Variants in CEP135 observed in about 807,000 individuals in gnomAD.
CEP135 encodes the protein centrosomal protein of 135 kDa.
CEP135 carries 142 observed loss-of-function variants against 157.3 expected under a neutral mutation model. The observed-to-expected ratio is 0.90, with a 90% CI of 0.79 to 1.04. CEP135 has a LOEUF of 1.04. Ranked by LOEUF, CEP135 falls within the 50% of genes least tolerant of loss-of-function variation. CEP135 has a pLI of 0.00. For synonymous variants in CEP135, 396 were observed against 439.8 expected (o/e 0.90, Z 1.25); for missense variants, 1,317 against 1,309.2 (o/e 1.01, Z -0.09).
chr4:56,015,647 C>T (rs1730746469), intron 21 of CEP135, among the ~76,000 whole-genome samples: 1 of 152,166 alleles, frequency 6.6e-6, no homozygotes, highest in Non-Finnish European at 1.5e-5. Flanking sequence ...TTATTTTCTC[C>T]CTTTTACAGT....
intron 15 of CEP135, 41 bp downstream of exon 15, chr4:55,992,126 G>A (rs1729820217): frequency 3.2e-6 from 5 of 1,560,988 alleles, no homozygotes; most frequent in Non-Finnish European, 4.3e-6. Context: ...TTCTGGGAAT[G>A]TGTTTGTGGT....
At chr4:55,989,214 C>G (rs1193598633) in intron 14 of CEP135, among the ~76,000 whole-genome samples, 3 of 152,114 alleles carry the variant, frequency 2.0e-5, no homozygotes, top group Non-Finnish European at 4.4e-5. Context: ...CTTGAATGTT[C>G]AAGATATTAC....
chr4:55,980,150 A>G lies in CEP135; in HGVS notation c.1481A>G (p.Tyr494Cys), dbSNP rs565624109. ...SIFRTPEKGD[Y>C]NSEIHQITRE... ...TTTTTAATTATGTTTCAGGGTGATT[A>G]CAATTCAGAAATTCATCAGATCACA... Residue 494 changes from tyrosine to cysteine, a missense_variant, in exon 12 of 26, where the codon TAC becomes TGC. By Grantham distance (194) the Tyr-to-Cys change is radical (BLOSUM62 -2). Coordinates refer to ENST00000257287, the MANE Select transcript of CEP135 (RefSeq NM_025009.5). 3.1e-6 allele frequency: 5 copies of G among 1,608,800 alleles called. No homozygotes were observed. In the African/African-American group the frequency reaches 6.7e-5, roughly 22 times the overall value.
At chr4:55,957,972 T>C (rs140048876) in intron 5 of CEP135, among the ~76,000 whole-genome samples, 110 of 152,326 alleles carry the variant, frequency 7.2e-4, no homozygotes, top group African/African-American at 2.5e-3. Context: ...AAGAAAATTA[T>C]AAGAGGCTCA....
At chr4:56,011,558 G>GTTT in intron 20 of CEP135, 36 bp downstream of exon 20, 16 of 1,301,864 alleles carry the variant, frequency 1.2e-5, no homozygotes, top group African/African-American at 1.5e-5. Flanking sequence ...TTAAGACTGA[G>GTTT]GTTTTTTTTT....
chr4:55,970,159 A>G (rs189448026), intron 9 of CEP135, among the ~76,000 whole-genome samples: 11 of 152,028 alleles, frequency 7.2e-5, no homozygotes, highest in Admixed American at 5.2e-4. Flanking sequence ...GGCATGAGCC[A>G]CTGTGCCCAG....
intron 24 of CEP135, among the ~76,000 whole-genome samples, chr4:56,023,519 T>A (rs1731036461): frequency 6.6e-6 from 1 of 151,178 alleles, no homozygotes; most frequent in Admixed American, 6.6e-5. Flanking sequence ...ATTAGCCTTT[T>A]TGAGTTTAAC....
chr4:55,965,805 A>C lies in CEP135; in HGVS notation c.990A>C (p.Glu330Asp). The C allele has an allele frequency of 6.2e-7, 1 of 1,613,806 alleles. No individual in the cohort carries two copies. Among genetic ancestry groups the C allele is most frequent in the Non-Finnish European group, 8.5e-7 (1 of 1,179,812 alleles). The part of the protein sequence containing the change: ...TEIDQLAQQL[E>D]RHKEEVLETA... The stretch of plus-strand genomic sequence containing the variant: ...TAGATCAGTTAGCACAGCAGTTGGA[A>C]AGACATAAAGAAGAAGTGCTTGAGA... Residue 330 changes from glutamate (E) to aspartate (D), a missense_variant, in exon 8 of 26, where the codon GAA (glutamate) becomes GAC (aspartate). Transcript: ENST00000257287.
At chr4:55,960,430 T>G (rs1451767972) in intron 6 of CEP135, 1 of 152,226 alleles carries the variant, frequency 6.6e-6, no homozygotes, top group Non-Finnish European at 1.5e-5. Context: ...ATTGATGTCT[T>G]GGCTAAATTT....
chr4:56,011,315 A>C, intron 19 of CEP135, 97 bp from the exon 20 acceptor site: 7 of 828,252 alleles, frequency 8.5e-6, no homozygotes, highest in Non-Finnish European at 1.3e-5. Flanking sequence ...GCCCTACTCT[A>C]TCTTATTCTC....
chr4:55,964,296 T>G lies in CEP135; in HGVS notation c.722T>G (p.Ile241Arg), dbSNP rs372973005. The change falls in exon 7 of 26, where the codon ATA (isoleucine) becomes AGA (arginine). Residue 241 changes from isoleucine (I) to arginine (R), a missense_variant. Coordinates refer to ENST00000257287, the MANE Select transcript of CEP135 (RefSeq NM_025009.5). ...SKQIELRERE[I>R]ERLSVALDGG... ...CAGATTGAGCTAAGAGAACGAGAGATAGAACGACTGTCAGTTGCTTTGGAT... is the reference window on the plus strand; with the variant it reads ...CAGATTGAGCTAAGAGAACGAGAGAGAGAACGACTGTCAGTTGCTTTGGAT... The G allele has an allele frequency of 3.6e-5, 58 of 1,612,164 alleles. No homozygotes were observed. Among genetic ancestry groups the G allele is most frequent in the Non-Finnish European group, 4.8e-5 (57 of 1,179,348 alleles).
At chr4:55,976,747 G>GTATA (rs1478300739) in intron 11 of CEP135, among the ~76,000 whole-genome samples, 1 of 152,136 alleles carries the variant, frequency 6.6e-6, no homozygotes, top group East Asian at 1.9e-4. Context: ...AATGGGTGGG[G>GTATA]TATAAGACAG....
chr4:55,953,272 A>C lies in CEP135; in HGVS notation c.301A>C (p.Lys101Gln), dbSNP rs199788598. ...GAGAGAACATTCAGACCAACACGTT[A>C]AAGGTAAGTGAAAATTTGATAATTT... The part of the protein sequence containing the change: ...KLREHSDQHV[K>Q]ELKTSLKKCA... The change falls in exon 3 of 26, where the codon AAA becomes CAA. Residue 101 changes from lysine to glutamine, a missense_variant. By Grantham distance (53) the Lys-to-Gln change is moderately conservative. Transcript: ENST00000257287. 7 of 1,508,168 alleles carry C rather than the reference A, an allele frequency of 4.6e-6. No homozygotes were observed. 93.4% of individuals were successfully genotyped at this position (1,508,168 alleles called of 1,614,324 possible). A position where few individuals can be genotyped will look rare whatever the true frequency, so the allele number is the denominator to read the frequency against.
In CEP135 at chr4:55,974,961, C is replaced by T. The variant is rs773423665; in HGVS notation, c.1465C>T (p.Pro489Ser). The change falls in exon 11 of 26, where the codon CCA becomes TCA. Residue 489 changes from proline to serine, a missense_variant. Physicochemically the swap from Pro to Ser is moderately conservative, Grantham distance 74 (BLOSUM62 -1). Transcript: ENST00000257287. ...AREKSSIFRTPEKGDYNSEIH... is the reference protein window; with the variant it reads ...AREKSSIFRTSEKGDYNSEIH... ...TGAAAAAAGTTCAATATTTAGAACACCAGAAAAGGTAATGTCCCTTTATAA... is the reference window on the plus strand; with the variant it reads ...TGAAAAAAGTTCAATATTTAGAACATCAGAAAAGGTAATGTCCCTTTATAA... 1.3e-6 allele frequency: 2 copies of T among 1,595,154 alleles called. No individual in the cohort carries two copies. The highest frequency in any genetic ancestry group is 2.0e-4 in the Middle Eastern group (1 of 5,094).
rs1251202947 is a variant in CEP135 at position 56,011,981 on chromosome 4, A to G, written c.2798A>G (p.Gln933Arg). The stretch of plus-strand genomic sequence containing the variant: ...GTGGAGCTATTAGAAAAAGAAATTC[A>G]AGAGGTAATATATTTATTTGTTTTG... ...ERVELLEKEI[Q>R]EHINAHHAYE... Residue 933 changes from glutamine (Q) to arginine (R), a missense_variant, in exon 21 of 26, where the codon CAA (glutamine) becomes CGA (arginine). Gln to Arg is a conservative substitution (Grantham distance 43). Transcript: ENST00000257287. 8 of 1,523,114 alleles carry G rather than the reference A, an allele frequency of 5.3e-6. No homozygotes were observed. The East Asian group carries it at 1.9e-4, about 36-fold the overall frequency. The allele number at this position is 1,523,114 out of a possible 1,614,324, so 94.3% of individuals were successfully genotyped here.
chr4:55,985,192 A>G (rs572177446), intron 13 of CEP135, 89 bp from the exon 14 acceptor site: 2 of 612,928 alleles, frequency 3.3e-6, no homozygotes, highest in African/African-American at 3.7e-5. Flanking sequence ...AATACAATAT[A>G]ATAGAACTGT....
intron 14 of CEP135, among the ~76,000 whole-genome samples, chr4:55,987,223 T>C (rs1368535591): frequency 6.6e-6 from 1 of 152,194 alleles, no homozygotes; most frequent in African/African-American, 2.4e-5. Flanking sequence ...CACAGGAACT[T>C]TTCCTGGCCC....
intron 21 of CEP135, among the ~76,000 whole-genome samples, chr4:56,013,040 T>C (rs1379398829): frequency 6.6e-6 from 1 of 152,220 alleles, no homozygotes; most frequent in African/African-American, 2.4e-5. Flanking sequence ...AGTTGCTCCA[T>C]ATCCTTGCCA....
At chr4:55,958,101 ATG>A (rs1472230383) in intron 5 of CEP135, among the ~76,000 whole-genome samples, 2 of 152,178 alleles carry the variant, frequency 1.3e-5, no homozygotes, top group Non-Finnish European at 2.9e-5. Context: ...TATACAGAGA[ATG>A]TGGGGGGTTT....
Sources: gnomAD v4.1 joint callset for allele counts (sites outside exome capture counted in the v4.1 genomes callset) on GRCh38, gnomAD v4.1.1 for gene constraint, MANE v1.5 for transcripts, NCBI Gene and HGNC (gene_info 2026-07-23, HGNC 2026-07-21) for gene names.